The following TPD52L2 variants were observed in gnomAD, a reference collection of about 807,000 sequenced individuals.
The protein encoded by TPD52L2 is tumor protein D54.
Under a neutral mutation model 24.7 loss-of-function variants are expected in TPD52L2, and 19 were observed. That is an observed-to-expected ratio of 0.77 (90% CI 0.54 to 1.13). TPD52L2 has a LOEUF of 1.13. TPD52L2 is among the 50% of genes most tolerant of loss of function. The pLI is 0.00. For synonymous variants in TPD52L2, 104 were observed against 100.2 expected (o/e 1.04, Z -0.23); for missense variants, 236 against 250.4 (o/e 0.94, Z 0.39).
chr20:63,873,625 C>G (rs756188219), intron 2 of TPD52L2, 43 bp from the exon 3 acceptor site: 11 of 1,603,512 alleles, frequency 6.9e-6, no homozygotes, highest in Non-Finnish European at 9.4e-6. Context: ...TAGTCACTTC[C>G]TGCAGTAGTG....
At chr20:63,876,422 GATC>G (rs964560509) in intron 4 of TPD52L2, among the ~76,000 whole-genome samples, 2 of 152,194 alleles carry the variant, frequency 1.3e-5, no homozygotes, top group African/African-American at 4.8e-5. Flanking sequence ...AGCCAGTGTG[GATC>G]AAGTGTGGAT....
chr20:63,876,012 C>G (rs1220731023), intron 4 of TPD52L2, 137 bp downstream of exon 4: 24 of 859,092 alleles, frequency 2.8e-5, no homozygotes, highest in Non-Finnish European at 4.0e-5. Flanking sequence ...TATAACTTTT[C>G]TTCTCTCAGG....
At chr20:63,887,468 A>G (rs2053174378) in intron 5 of TPD52L2, 26 of 1,330,658 alleles carry the variant, frequency 2.0e-5, no homozygotes, top group Non-Finnish European at 2.6e-5. Context: ...GAGTGGGGGA[A>G]TCCCAGCTCT....
At chr20:63,880,783 C>T (rs1483123493) in intron 4 of TPD52L2, among the ~76,000 whole-genome samples, 2 of 150,598 alleles carry the variant, frequency 1.3e-5, no homozygotes, top group African/African-American at 4.9e-5. Flanking sequence ...CCCAGCTACT[C>T]GGGAGGCTGA....
chr20:63,873,939 G>C (rs571296555), intron 3 of TPD52L2, 123 bp downstream of exon 3: 3 of 1,155,584 alleles, frequency 2.6e-6, no homozygotes, highest in Admixed American at 7.5e-5. Flanking sequence ...TGAGTGGCCT[G>C]TTTGGAAGGA....
intron 5 of TPD52L2, among the ~76,000 whole-genome samples, chr20:63,883,691 G>A (rs1272674789): frequency 6.6e-6 from 1 of 152,032 alleles, no homozygotes; most frequent in East Asian, 1.9e-4. Context: ...ACCCAATCCT[G>A]GCAAAGATGG....
At position 63,890,036 on chromosome 20, in the gene TPD52L2, C is replaced by T. The variant is rs763468008; in HGVS notation, c.*91C>T. The T allele has an allele frequency of 2.4e-5, 38 of 1,579,214 alleles. No individual in the cohort carries two copies. The highest frequency in any genetic ancestry group is 2.4e-4 in the Admixed American group (13 of 55,038). ...TGTTCAGCGGAGCAGCCAGCCAGGG[C>T]GGATGAGCAGAGCCGGCCCTGAGGA... On this transcript the variant is annotated 3_prime_UTR_variant, in exon 7 of 7. Transcript: ENST00000346249.
Position 63,889,900 on chromosome 20 carries a change from A to C in TPD52L2, c.576A>C (p.Ser192=), listed in dbSNP as rs149447981. The C allele has an allele frequency of 4.4e-5, 71 of 1,614,146 alleles. No individual in the cohort carries two copies. The African/African-American group carries it at 7.9e-4, about 18-fold the overall frequency. ...RENGSDNLPS[S]AGSGDKPLSD... ...ACGGCAGTGACAACCTCCCTTCCTC[A>C]GCGGGGAGTGGTGACAAGCCCCTGT... The change falls in exon 7 of 7, where the codon TCA becomes TCC. Residue 192 remains serine, a synonymous_variant. Coordinates refer to ENST00000346249, the MANE Select transcript of TPD52L2 (RefSeq NM_003288.4).
chr20:63,886,595 C>T (rs1230388894), intron 5 of TPD52L2, among the ~76,000 whole-genome samples: 8 of 151,888 alleles, frequency 5.3e-5, no homozygotes, highest in African/African-American at 1.7e-4. Context: ...GTGATCCGCC[C>T]GCCTCGGCCT....
chr20:63,874,497 C>G (rs1238518667), intron 3 of TPD52L2, among the ~76,000 whole-genome samples: 1 of 152,030 alleles, frequency 6.6e-6, no homozygotes, highest in East Asian at 1.9e-4. Context: ...ACTCAACCCC[C>G]CTCGTAGCTG....
At chr20:63,884,909 G>A (rs897566656) in intron 5 of TPD52L2, among the ~76,000 whole-genome samples, 2 of 152,168 alleles carry the variant, frequency 1.3e-5, no homozygotes, top group Non-Finnish European at 2.9e-5. Context: ...TGCCCTGCTT[G>A]CTCCTCCATT....
chr20:63,886,704 G>A (rs1249030218), intron 5 of TPD52L2, among the ~76,000 whole-genome samples: 1 of 150,882 alleles, frequency 6.6e-6, no homozygotes, highest in Middle Eastern at 3.5e-3. Context: ...GAGCACAGTG[G>A]TGTGATCTCG....
chr20:63,867,079 G>A (rs754386042), intron 1 of TPD52L2, among the ~76,000 whole-genome samples: 30 of 150,446 alleles, frequency 2.0e-4, no homozygotes, highest in Non-Finnish European at 3.5e-4. Flanking sequence ...TCAGCCTCCC[G>A]TGTAGCTGGC....
At chr20:63,876,772 C>G (rs1568948144) in intron 4 of TPD52L2, 2 of 455,758 alleles carry the variant, frequency 4.4e-6, no homozygotes, top group African/African-American at 4.0e-5. Context: ...CGGTGGGAGG[C>G]TGGTGTCAGG....
At position 63,872,836 on chromosome 20, in the gene TPD52L2, T is replaced by A. The variant is rs557733000; in HGVS notation, c.166-832T>A. The stretch of plus-strand genomic sequence containing the variant: ...CTCCTGCCTCAGCCTCCCGAGTAGC[T>A]GGGACTACAGGTGCCCGCCACCGTG... On this transcript the variant is annotated intron_variant, in intron 2 of 6. Coordinates refer to ENST00000346249, the MANE Select transcript of TPD52L2 (RefSeq NM_003288.4). Among the ~76,000 whole-genome samples the A allele has an allele frequency of 7.4e-4, 113 of 152,304 alleles. 1 individual carries two copies. The highest frequency in any genetic ancestry group is 2.6e-3 in the African/African-American group (107 of 41,576).
intron 1 of TPD52L2, 113 bp downstream of exon 1, chr20:63,865,497 C>A: frequency 7.3e-7 from 1 of 1,362,386 alleles, no homozygotes; most frequent in Non-Finnish European, 9.7e-7. Context: ...GTTCACCCAC[C>A]CCGCGGCCCC....
chr20:63,884,373 C>A (rs948906724), intron 5 of TPD52L2, among the ~76,000 whole-genome samples: 1 of 152,134 alleles, frequency 6.6e-6, no homozygotes, highest in African/African-American at 2.4e-5. Flanking sequence ...GTTTGTTGTG[C>A]CTAAATTATG....
intron 2 of TPD52L2, among the ~76,000 whole-genome samples, chr20:63,872,042 CT>C (rs34989051): frequency 0.074 from 7,946 of 106,898 alleles, 413 homozygotes; most frequent in East Asian, 0.29. Context: ...AGGTCATGTT[CT>C]TTTTTTTTTT....
rs2053056572 is a variant in TPD52L2 at position 63,885,454 on chromosome 20, C to T, written c.476+2634C>T. On this transcript the variant is annotated intron_variant, in intron 5 of 6. Transcript: ENST00000346249. ...GAGTGGCAGCAGCTGCCCTTGGACA[C>T]ACAGGTTTCCAGGTTGGCGTCTGTG... is the stretch of plus-strand genomic sequence containing the variant. Among the ~76,000 whole-genome samples, 6 of 152,236 alleles carry T rather than the reference C, an allele frequency of 3.9e-5. No homozygotes were observed. In the South Asian group the frequency reaches 1.2e-3, roughly 31 times the overall value.
Sources: allele counts gnomAD v4.1 joint callset (sites outside exome capture counted in the v4.1 genomes callset), GRCh38; gene constraint gnomAD v4.1.1; transcripts MANE v1.5; gene names NCBI Gene and HGNC (gene_info 2026-07-23, HGNC 2026-07-21).